ACAP1: variants seen among roughly 807,000 people sequenced by gnomAD.
The protein encoded by ACAP1 is ArfGAP with coiled-coil, ankyrin repeat and PH domains 1.
A neutral mutation model predicts 98.8 loss-of-function variants in ACAP1; 45 were observed. The observed-to-expected ratio is 0.46, with a 90% CI of 0.36 to 0.58. ACAP1 has a LOEUF of 0.58. Among genes scored for constraint, ACAP1 ranks in the 20% least tolerant of loss-of-function variants. ACAP1 has a pLI of 0.00. For synonymous variants in ACAP1, 362 were observed against 375.3 expected (o/e 0.96, Z 0.41); for missense variants, 735 against 971.4 (o/e 0.76, Z 3.24).
At chr17:7,342,105 G>A (rs776142829) in intron 3 of ACAP1, 38 bp downstream of exon 3, 3 of 1,611,162 alleles carry the variant, frequency 1.9e-6, no homozygotes, top group African/African-American at 2.7e-5. Flanking sequence ...GAAGGGGTCT[G>A]GGATGAGGAG....
intron 17 of ACAP1, 148 bp downstream of exon 17, chr17:7,348,623 G>A (rs373936113): frequency 2.2e-6 from 2 of 898,768 alleles, no homozygotes; most frequent in Non-Finnish European, 3.2e-6. Flanking sequence ...TTACGGTGGA[G>A]TGTGACATTA....
chr17:7,344,169 T>G lies in ACAP1; in HGVS notation c.744+46T>G. The G allele has an allele frequency of 6.5e-7, 1 of 1,543,386 alleles. No homozygotes were observed. Among genetic ancestry groups the G allele is most frequent in the Non-Finnish European group, 8.8e-7 (1 of 1,139,820 alleles). ...GCCCACGACCGTCATCCCAACATGTTGGGAGGCTGAGGTGGGAAGATTGCT... is the reference window on the plus strand; with the variant it reads ...GCCCACGACCGTCATCCCAACATGTGGGGAGGCTGAGGTGGGAAGATTGCT... On this transcript the variant is annotated intron_variant, in intron 9 of 21. Coordinates refer to ENST00000158762, the MANE Select transcript of ACAP1 (RefSeq NM_014716.4). The surrounding 1 kb of genome is among the most constrained non-coding windows in gnomAD (Gnocchi z 4.9).
chr17:7,344,679 C>T lies in ACAP1; in HGVS notation c.854+31C>T. 1 of 1,484,112 alleles carries T rather than the reference C, an allele frequency of 6.7e-7. No homozygotes were observed. The highest frequency in any genetic ancestry group is 2.5e-5 in the East Asian group (1 of 40,598). The allele number at this position is 1,484,112 out of a possible 1,614,324, so 91.9% of individuals were successfully genotyped here. ...GAGAGGACACCCCCAATCAGCCCGC[C>T]CCACCCAATGATGTATTTTCGAGTG... is the stretch of plus-strand genomic sequence containing the variant. On this transcript the variant is annotated intron_variant, in intron 10 of 21. Transcript: ENST00000158762. The surrounding 1 kb of genome is among the most constrained non-coding windows in gnomAD (Gnocchi z 4.9).
intron 2 of ACAP1, among the ~76,000 whole-genome samples, chr17:7,339,245 G>A (rs1009595621): frequency 4.6e-5 from 7 of 150,734 alleles, no homozygotes; most frequent in African/African-American, 1.7e-4. Context: ...AGTGGAGGTC[G>A]TGCCACTGCA....
intron 21 of ACAP1, 39 bp from the exon 22 acceptor site, chr17:7,351,256 G>A: frequency 6.5e-7 from 1 of 1,548,876 alleles, no homozygotes; most frequent in Admixed American, 1.8e-5. Context: ...CTTCTGCACT[G>A]GGGCCCAGCC....
intron 12 of ACAP1, 100 bp from the exon 13 acceptor site, chr17:7,346,708 G>T: frequency 7.1e-7 from 1 of 1,401,258 alleles, no homozygotes; most frequent in Non-Finnish European, 9.8e-7. Context: ...CAATGCAACT[G>T]GAACTGGTTG....
chr17:7,341,864 G>C, intron 2 of ACAP1, 84 bp from the exon 3 acceptor site: 3 of 1,584,368 alleles, frequency 1.9e-6, no homozygotes, highest in Non-Finnish European at 2.6e-6. Flanking sequence ...CCTGGGCAAG[G>C]GGAGAGGAAG....
At chr17:7,338,250 T>C (rs12940512) in intron 2 of ACAP1, among the ~76,000 whole-genome samples, 2 of 151,886 alleles carry the variant, frequency 1.3e-5, no homozygotes, top group South Asian at 4.1e-4. Context: ...AATAATAATT[T>C]TATTTTTATT....
Position 7,348,059 on chromosome 17 carries a change from G to A in ACAP1, c.1413+68G>A, listed in dbSNP as rs1194175424. ...TGGGGCAAGGACATGGCGGTGCAGGGGCGTGATCCCTGAGGAGTCACTCAC... is the reference window on the plus strand; with the variant it reads ...TGGGGCAAGGACATGGCGGTGCAGGAGCGTGATCCCTGAGGAGTCACTCAC... On this transcript the variant is annotated intron_variant, in intron 15 of 21. Coordinates refer to ENST00000158762, the MANE Select transcript of ACAP1 (RefSeq NM_014716.4). 4 of 1,610,658 alleles carry A rather than the reference G, an allele frequency of 2.5e-6. No homozygotes were observed. In the Admixed American group the frequency reaches 6.7e-5, roughly 27 times the overall value.
At position 7,350,501 on chromosome 17, in the gene ACAP1, T is replaced by G; in HGVS notation, c.2072+264T>G. On this transcript the variant is annotated intron_variant, in intron 20 of 21. Transcript: ENST00000158762. The surrounding 1 kb of genome is among the most constrained non-coding windows in gnomAD (Gnocchi z 4.6). ...GAGAGGCGTAATTCGCCCATCAACA[T>G]TGCTGTCAGGCATCTTTTTAGCACT... is the stretch of plus-strand genomic sequence containing the variant. 1.8e-6 allele frequency: 1 copy of G among 541,196 alleles called. No individual in the cohort carries two copies. The allele number at this position is 541,196 out of a possible 1,614,324, so 33.5% of individuals were successfully genotyped here.
chr17:7,340,108 T>C (rs955292767), intron 2 of ACAP1, among the ~76,000 whole-genome samples: 6 of 151,754 alleles, frequency 4.0e-5, no homozygotes, highest in African/African-American at 1.5e-4. Context: ...AATAATGTTC[T>C]GTTTTGTTTT....
intron 2 of ACAP1, among the ~76,000 whole-genome samples, chr17:7,341,348 C>G (rs1034378846): frequency 6.6e-6 from 1 of 152,166 alleles, no homozygotes; most frequent in African/African-American, 2.4e-5. Context: ...TTCAAGCAGT[C>G]CTCCTGCCTT....
Position 7,346,870 on chromosome 17 carries a change from G to A in ACAP1, c.1070G>A (p.Ser357Asn), listed in dbSNP as rs1301333966. 1.2e-6 allele frequency: 2 copies of A among 1,613,492 alleles called. No homozygotes were observed. The highest frequency in any genetic ancestry group is 4.5e-5 in the East Asian group (2 of 44,868). The change falls in exon 13 of 22, where the codon AGC (serine) becomes AAC (asparagine). Residue 357 changes from serine to asparagine, a missense_variant. Ser to Asn is a conservative substitution (Grantham distance 46). Transcript: ENST00000158762. ...CAGCTGTGGGTCAGTGCTGTGCAGAGCAGCATTGCTTCTGCCTTCAGTCAG... is the reference window on the plus strand; with the variant it reads ...CAGCTGTGGGTCAGTGCTGTGCAGAACAGCATTGCTTCTGCCTTCAGTCAG... ...LLQLWVSAVQ[S>N]SIASAFSQAR...
Position 7,336,658 on chromosome 17 carries a change from G to A in ACAP1, c.-77G>A, listed in dbSNP as rs1287054854. The A allele has an allele frequency of 4.6e-6, 7 of 1,509,050 alleles. No homozygotes were observed. The highest frequency in any genetic ancestry group is 6.4e-6 in the Non-Finnish European group (7 of 1,086,344). The allele number at this position is 1,509,050 out of a possible 1,614,324, so 93.5% of individuals were successfully genotyped here. ...CCTTCCCCCTCATCTCCCCTTCCTGGGACAGAAAGTGCCTCCACCTGCATC... is the reference window on the plus strand; with the variant it reads ...CCTTCCCCCTCATCTCCCCTTCCTGAGACAGAAAGTGCCTCCACCTGCATC... On this transcript the variant is annotated 5_prime_UTR_variant, in exon 1 of 22. Transcript: ENST00000158762.
chr17:7,337,278 C>G (rs777022015), intron 1 of ACAP1, 34 bp from the exon 2 acceptor site: 8 of 1,610,350 alleles, frequency 5.0e-6, no homozygotes, highest in Middle Eastern at 1.7e-4. Flanking sequence ...CCAGATGGAC[C>G]CAAGCTCTCT....
intron 14 of ACAP1, 53 bp from the exon 15 acceptor site, chr17:7,347,869 C>T: frequency 1.3e-6 from 2 of 1,503,376 alleles, no homozygotes; most frequent in Non-Finnish European, 1.9e-6. Context: ...CAGCAGCTCC[C>T]CAGGCCACTG....
At chr17:7,339,206 C>T (rs949194127) in intron 2 of ACAP1, among the ~76,000 whole-genome samples, 13 of 151,934 alleles carry the variant, frequency 8.6e-5, no homozygotes, top group South Asian at 4.1e-4. Flanking sequence ...AGGAGAATGG[C>T]GCGAACCCGG....
Position 7,350,015 on chromosome 17 carries a change from G to A in ACAP1, c.1922G>A (p.Arg641Gln), listed in dbSNP as rs2073387231. Residue 641 changes from arginine (R) to glutamine (Q), a missense_variant, in exon 19 of 22, where the codon CGG (arginine) becomes CAG (glutamine). By Grantham distance (43) the Arg-to-Gln change is conservative. Transcript: ENST00000158762. This position sits in a 1 kb window ranked among gnomAD's most constrained non-coding sequence, Gnocchi z 4.6. Reference sequence around the variant, plus strand: ...GTGAACCAAGCGGACAGTGCGGGCCGGGGCCCGCTGCACCACGCAACCATT... The same window carrying A: ...GTGAACCAAGCGGACAGTGCGGGCCAGGGCCCGCTGCACCACGCAACCATT... ...ANVNQADSAG[R>Q]GPLHHATILG... 1.2e-6 allele frequency: 2 copies of A among 1,613,096 alleles called. No individual in the cohort carries two copies. Among genetic ancestry groups the A allele is most frequent in the African/African-American group, 1.3e-5 (1 of 75,026 alleles).
At chr17:7,347,574 A>G (rs2143017800) in intron 14 of ACAP1, 1 of 526,106 alleles carries the variant, frequency 1.9e-6, no homozygotes, top group Admixed American at 3.3e-5. Context: ...CTTAGCAAGT[A>G]TCTAAGGCCC....
Sources: allele counts gnomAD v4.1 joint callset (sites outside exome capture counted in the v4.1 genomes callset), GRCh38; gene constraint gnomAD v4.1.1; non-coding constraint Gnocchi (gnomAD v3.1); transcripts MANE v1.5; gene names NCBI Gene and HGNC (gene_info 2026-07-23, HGNC 2026-07-21).